The following ADAM10 variants were observed in gnomAD, a reference collection of about 807,000 sequenced individuals.
ADAM10 encodes the protein ADAM metallopeptidase domain 10.
In ADAM10, 17 loss-of-function variants were observed where a neutral mutation model predicts 90.1. The ratio of observed to expected loss-of-function variants is 0.19; its 90% CI spans 0.13 to 0.28. The LOEUF is 0.28. ADAM10 is among the 10% of genes least tolerant of loss of function. ADAM10 has a pLI of 1.00. For missense variants in ADAM10, 610 were observed against 914.3 expected (o/e 0.67, Z 4.29); for synonymous variants, 310 against 298.6 (o/e 1.04, Z -0.40).
At chr15:58,607,157 C>T (rs1445718755) in intron 14 of ADAM10, among the ~76,000 whole-genome samples, 1 of 152,250 alleles carries the variant, frequency 6.6e-6, no homozygotes. Context: ...CCATAGTTTG[C>T]CAACCCCTGT....
intron 2 of ADAM10, among the ~76,000 whole-genome samples, chr15:58,695,187 G>A (rs1191938972): frequency 6.6e-6 from 1 of 151,892 alleles, no homozygotes. Flanking sequence ...TAACTCCCAG[G>A]GCTTCCCAGG....
chr15:58,628,334 C>A (rs1233043826), intron 9 of ADAM10, among the ~76,000 whole-genome samples: 1 of 151,916 alleles, frequency 6.6e-6, no homozygotes, highest in East Asian at 1.9e-4. Context: ...TAAATACACA[C>A]AGAACAGGAA....
chr15:58,640,989 T>C (rs1367435817), intron 7 of ADAM10, 29 bp from the exon 8 acceptor site: 10 of 1,582,664 alleles, frequency 6.3e-6, no homozygotes, highest in Non-Finnish European at 8.7e-6. Flanking sequence ...ATTTAGTAAG[T>C]AATTAATGTT....
intron 1 of ADAM10, among the ~76,000 whole-genome samples, chr15:58,744,971 T>C (rs560144292): frequency 5.3e-5 from 8 of 152,336 alleles, no homozygotes; most frequent in African/African-American, 1.9e-4. Context: ...TCACCTGAAG[T>C]CAGGAGTTCG....
intron 2 of ADAM10, chr15:58,691,306 T>TC: frequency 8.1e-7 from 1 of 1,240,088 alleles, no homozygotes; most frequent in Non-Finnish European, 1.2e-6. Context: ...AGCAGGCTCT[T>TC]CCCATCAAAT....
At chr15:58,684,561 G>C (rs1255831504) in intron 2 of ADAM10, among the ~76,000 whole-genome samples, 1 of 152,240 alleles carries the variant, frequency 6.6e-6, no homozygotes. Flanking sequence ...AACACACTGA[G>C]TTGATTGGAG....
At chr15:58,669,960 T>C (rs1383790122) in intron 4 of ADAM10, among the ~76,000 whole-genome samples, 2 of 151,518 alleles carry the variant, frequency 1.3e-5, no homozygotes, top group African/African-American at 4.9e-5. Context: ...TAGCGGGGAG[T>C]AGAGGAGAGA....
chr15:58,749,145 G>C (rs1595678272), intron 1 of ADAM10: 1 of 398,570 alleles, frequency 2.5e-6, no homozygotes, highest in East Asian at 3.6e-5. Context: ...GAGGGATGCA[G>C]CCACCAGCCT....
chr15:58,609,243 A>G (rs1241468127), intron 14 of ADAM10: 1 of 152,190 alleles, frequency 6.6e-6, no homozygotes, highest in Non-Finnish European at 1.5e-5. Flanking sequence ...GTTTTAAGGA[A>G]ACCTAAGTTA....
intron 15 of ADAM10, among the ~76,000 whole-genome samples, chr15:58,599,375 A>C (rs1895050077): frequency 6.6e-6 from 1 of 152,136 alleles, no homozygotes; most frequent in Admixed American, 6.5e-5. Flanking sequence ...TCTAGTTCTA[A>C]ATATTTTCAG....
At chr15:58,693,594 A>G (rs180723852) in intron 2 of ADAM10, among the ~76,000 whole-genome samples, 30 of 152,308 alleles carry the variant, frequency 2.0e-4, no homozygotes, top group Admixed American at 5.9e-4. Context: ...TTGAATTGCA[A>G]TACAGACTTA....
intron 2 of ADAM10, among the ~76,000 whole-genome samples, chr15:58,701,782 C>G (rs1898141067): frequency 6.6e-6 from 1 of 152,082 alleles, no homozygotes; most frequent in African/African-American, 2.4e-5. Flanking sequence ...AGCATATATA[C>G]ACAATGGAGT....
At chr15:58,641,028 A>T in intron 7 of ADAM10, 68 bp from the exon 8 acceptor site, 2 of 1,423,082 alleles carry the variant, frequency 1.4e-6, no homozygotes, top group Non-Finnish European at 2.0e-6. Flanking sequence ...ATGTCTGCTC[A>T]CCTTCTTCTG....
chr15:58,693,523 T>A (rs1897889161), intron 2 of ADAM10, among the ~76,000 whole-genome samples: 1 of 152,032 alleles, frequency 6.6e-6, no homozygotes, highest in South Asian at 2.1e-4. Context: ...TGCTAAAAAA[T>A]TTATATCCAT....
chr15:58,717,318 A>T (rs1414217898), intron 2 of ADAM10, among the ~76,000 whole-genome samples: 1 of 152,248 alleles, frequency 6.6e-6, no homozygotes, highest in African/African-American at 2.4e-5. Context: ...AATCTTCTTT[A>T]AAGACATATC....
chr15:58,679,367 T>C (rs1897367899), intron 3 of ADAM10, 85 bp from the exon 4 acceptor site: 5 of 1,189,768 alleles, frequency 4.2e-6, no homozygotes, highest in Non-Finnish European at 6.2e-6. Flanking sequence ...TATGTGTGTA[T>C]ATATATACAC....
At chr15:58,597,752 A>C in intron 15 of ADAM10, 111 bp from the exon 16 acceptor site, 1 of 1,097,068 alleles carries the variant, frequency 9.1e-7, no homozygotes, top group Non-Finnish European at 1.3e-6. Context: ...GCTGTCCAAT[A>C]ATATGGGCCA....
chr15:58,649,807 T>C (rs1325749713), intron 5 of ADAM10, among the ~76,000 whole-genome samples: 1 of 152,212 alleles, frequency 6.6e-6, no homozygotes, highest in East Asian at 1.9e-4. Flanking sequence ...CAGGGCTTAA[T>C]GAATGTGTTG....
At chr15:58,657,009 T>C (rs1299080964) in intron 5 of ADAM10, among the ~76,000 whole-genome samples, 2 of 152,236 alleles carry the variant, frequency 1.3e-5, no homozygotes, top group Admixed American at 6.5e-5. Flanking sequence ...TTTAAACATG[T>C]CATGCCACTC....
Sources: allele counts gnomAD v4.1 joint callset (sites outside exome capture counted in the v4.1 genomes callset), GRCh38; gene constraint gnomAD v4.1.1; transcripts MANE v1.5; gene names NCBI Gene and HGNC (gene_info 2026-07-23, HGNC 2026-07-21).